Variants in CEP128 observed in about 807,000 individuals in gnomAD.
The protein encoded by CEP128 is centrosomal protein 128kDa.
Under a neutral mutation model 156.7 loss-of-function variants are expected in CEP128, and 132 were observed. The observed-to-expected ratio is 0.84, with a 90% CI of 0.73 to 0.97. The LOEUF (loss-of-function observed/expected upper bound fraction) is 0.97. CEP128 is among the 50% of genes least tolerant of loss of function. CEP128 has a pLI of 0.00. For missense variants in CEP128, 1,252 were observed against 1,281.9 expected (o/e 0.98, Z 0.36); for synonymous variants, 469 against 448.9 (o/e 1.04, Z -0.57).
At position 80,747,472 on chromosome 14, in the gene CEP128, T is replaced by C. The variant is rs141384215; in HGVS notation, c.2614-4205A>G. 2.0e-3 allele frequency among the ~76,000 whole-genome samples: 310 copies of C among 152,274 alleles called. 1 individual carries two copies. The highest frequency in any genetic ancestry group is 7.2e-3 in the African/African-American group (298 of 41,570). The stretch of plus-strand genomic sequence containing the variant: ...ATTTGGATGAAACTTGAAAACATTC[T>C]GCTAAATGAAAGAAGTCAATCACAA... On this transcript the variant is annotated intron_variant, in intron 18 of 24. Coordinates refer to ENST00000555265, the MANE Select transcript of CEP128 (RefSeq NM_152446.5).
intron 21 of CEP128, among the ~76,000 whole-genome samples, chr14:80,545,531 G>A (rs763155522): frequency 1.3e-5 from 2 of 152,092 alleles, no homozygotes; most frequent in African/African-American, 4.8e-5. Context: ...GTCATTTGGC[G>A]AGTTCATGAC....
At chr14:80,589,022 A>T (rs1391387001) in intron 19 of CEP128, among the ~76,000 whole-genome samples, 2 of 152,136 alleles carry the variant, frequency 1.3e-5, no homozygotes, top group East Asian at 3.9e-4. Context: ...CTTTAATATA[A>T]AGATTATCCT....
intron 18 of CEP128, among the ~76,000 whole-genome samples, chr14:80,747,320 A>C (rs1002783721): frequency 6.6e-6 from 1 of 152,230 alleles, no homozygotes; most frequent in Non-Finnish European, 1.5e-5. Context: ...CAGCCAAAAA[A>C]CTGAAACAAT....
At chr14:80,605,604 G>GA (rs1313405996) in intron 19 of CEP128, among the ~76,000 whole-genome samples, 12 of 151,846 alleles carry the variant, frequency 7.9e-5, no homozygotes, top group Non-Finnish European at 1.6e-4. Context: ...TCTGGAAGCA[G>GA]AAAAAAGAAC....
intron 16 of CEP128, among the ~76,000 whole-genome samples, chr14:80,773,000 CAG>C (rs1313193327): frequency 1.3e-5 from 2 of 152,136 alleles, no homozygotes; most frequent in African/African-American, 2.4e-5. Context: ...TCTTTTGTAA[CAG>C]AGGAAGCTCC....
At chr14:80,586,064 C>T (rs952001615) in intron 19 of CEP128, among the ~76,000 whole-genome samples, 1 of 152,022 alleles carries the variant, frequency 6.6e-6, no homozygotes. Context: ...GAATCATTGA[C>T]ATTTTAGAGA....
At position 80,886,014 on chromosome 14, in the gene CEP128, G is replaced by A. The variant is rs146482331; in HGVS notation, c.645+9704C>T. Among the ~76,000 whole-genome samples, 119 of 151,928 alleles carry A rather than the reference G, an allele frequency of 7.8e-4. 2 individuals are homozygous for A. Among genetic ancestry groups the A allele is most frequent in the East Asian group, 5.2e-3 (27 of 5,156 alleles). On this transcript the variant is annotated intron_variant, in intron 8 of 24. Coordinates refer to ENST00000555265, the MANE Select transcript of CEP128 (RefSeq NM_152446.5). ...CTATCAATAGCCAAATCAATCAAGC[G>A]GAAGAAAGGATATCAGAGATTGAAG... is the stretch of plus-strand genomic sequence containing the variant.
intron 19 of CEP128, among the ~76,000 whole-genome samples, chr14:80,678,047 A>ATATATATATATATATATATATAT (rs1555390193): frequency 5.8e-5 from 4 of 68,526 alleles, no homozygotes; most frequent in East Asian, 7.9e-4. Flanking sequence ...CTATAAAAAA[A>ATATATATATATATATATATATAT]AAATATATAT....
chr14:80,481,589 TC>T (rs1278636684), intron 14 of CEP128, among the ~76,000 whole-genome samples: 6 of 152,224 alleles, frequency 3.9e-5, no homozygotes, highest in African/African-American at 1.4e-4. Context: ...ATTGTATACT[TC>T]AACAGTATAT....
chr14:80,758,378 C>T (rs558894868), intron 17 of CEP128, among the ~76,000 whole-genome samples: 6 of 152,120 alleles, frequency 3.9e-5, no homozygotes, highest in South Asian at 4.1e-4. Context: ...AAAAATTAGC[C>T]GGGCGTGGTG....
intron 2 of CEP128, among the ~76,000 whole-genome samples, chr14:80,957,464 AAC>A (rs997692543): frequency 1.2e-4 from 13 of 111,210 alleles, no homozygotes; most frequent in African/African-American, 5.6e-4. Context: ...ACTCAGAAAA[AAC>A]AAAAAAAAAA....
At chr14:80,729,273 C>T (rs1898170317) in intron 19 of CEP128, among the ~76,000 whole-genome samples, 1 of 151,734 alleles carries the variant, frequency 6.6e-6, no homozygotes, top group South Asian at 2.1e-4. Context: ...TTTGCTTTTC[C>T]ATTCCTGAGT....
At chr14:80,747,730 C>T (rs888030723) in intron 18 of CEP128, among the ~76,000 whole-genome samples, 3 of 152,216 alleles carry the variant, frequency 2.0e-5, no homozygotes, top group African/African-American at 7.2e-5. Context: ...TTGCTTGAAC[C>T]CAGGAGGCAG....
intron 21 of CEP128, among the ~76,000 whole-genome samples, chr14:80,549,108 G>T (rs888632860): frequency 6.6e-6 from 1 of 152,098 alleles, no homozygotes; most frequent in African/African-American, 2.4e-5. Context: ...TAGAATACAG[G>T]CTGTGTATTT....
chr14:80,652,887 C>G lies in CEP128; in HGVS notation c.2807-72464G>C, dbSNP rs181112547. 7.3e-4 allele frequency among the ~76,000 whole-genome samples: 111 copies of G among 152,252 alleles called. 1 individual carries two copies. Among genetic ancestry groups the G allele is most frequent in the African/African-American group, 2.6e-3 (106 of 41,556 alleles). ...TCATTCTACTATAAAGACACACGCACACGTATGTTTATTGCAGCACTGTTC... is the reference window on the plus strand; with the variant it reads ...TCATTCTACTATAAAGACACACGCAGACGTATGTTTATTGCAGCACTGTTC... On this transcript the variant is annotated intron_variant, in intron 19 of 24. Coordinates refer to ENST00000555265, the MANE Select transcript of CEP128 (RefSeq NM_152446.5).
At chr14:80,801,560 C>G (rs189012) in intron 13 of CEP128, among the ~76,000 whole-genome samples, 150,328 of 152,108 alleles carry the variant, frequency 0.99, 74,322 homozygotes, top group Middle Eastern at 1. Flanking sequence ...CAAAGGATAT[C>G]AACAGACACT....
chr14:80,591,476 C>T (rs565997495), intron 19 of CEP128, among the ~76,000 whole-genome samples: 4 of 152,164 alleles, frequency 2.6e-5, no homozygotes, highest in South Asian at 4.2e-4. Flanking sequence ...TATATATGTA[C>T]CCAATATAGG....
intron 8 of CEP128, among the ~76,000 whole-genome samples, chr14:80,883,250 T>C (rs182724712): frequency 7.3e-4 from 109 of 148,692 alleles, no homozygotes; most frequent in Non-Finnish European, 1.4e-3. Flanking sequence ...TCTTTGAGAG[T>C]GGGAAAAAAC....
intron 19 of CEP128, among the ~76,000 whole-genome samples, chr14:80,721,081 G>T (rs2139460471): frequency 6.6e-6 from 1 of 152,236 alleles, no homozygotes; most frequent in East Asian, 1.9e-4. Context: ...AAGAATCTAT[G>T]AAAATAATTT....
Sources: allele counts gnomAD v4.1 joint callset (sites outside exome capture counted in the v4.1 genomes callset), GRCh38; gene constraint gnomAD v4.1.1; transcripts MANE v1.5; gene names NCBI Gene and HGNC (gene_info 2026-07-23, HGNC 2026-07-21).